The following FHIT variants were observed in gnomAD, a reference collection of about 807,000 sequenced individuals.
FHIT encodes fragile histidine triad diadenosine triphosphatase, also known as bis(5'-adenosyl)-triphosphatase.
A neutral mutation model predicts 17.9 loss-of-function variants in FHIT; 19 were observed. That is an observed-to-expected ratio of 1.06 (90% confidence interval 0.74 to 1.56). FHIT has a LOEUF of 1.56. Among genes scored for constraint, FHIT ranks in the 40% most tolerant of loss-of-function variants. FHIT has a pLI of 0.00. For missense variants in FHIT, 248 were observed against 189.2 expected, an observed-to-expected ratio of 1.31 and a Z score of -1.82; for synonymous variants, 81 against 69.7, an observed-to-expected ratio of 1.16 and a Z score of -0.81.
chr3:60,872,670 T>C (rs553161852), intron 3 of FHIT, among the ~76,000 whole-genome samples: 2 of 152,200 alleles, frequency 1.3e-5, no homozygotes, highest in South Asian at 4.1e-4. Flanking sequence ...CTTTTGAAAA[T>C]AAAGAATAAT....
chr3:60,872,828 C>T (rs1260634757), intron 3 of FHIT, among the ~76,000 whole-genome samples: 2 of 151,844 alleles, frequency 1.3e-5, no homozygotes, highest in African/African-American at 4.8e-5. Context: ...TTCAGGAAAC[C>T]CTGAATTATA....
chr3:60,971,199 C>T (rs1011500159), intron 3 of FHIT, among the ~76,000 whole-genome samples: 16 of 152,122 alleles, frequency 1.1e-4, no homozygotes, highest in African/African-American at 3.9e-4. Flanking sequence ...AAAACCCTAT[C>T]TCTACTAAAA....
intron 3 of FHIT, 95 bp downstream of exon 3, chr3:61,041,948 ATATT>A (rs1178753576): frequency 6.6e-6 from 1 of 152,208 alleles, no homozygotes; most frequent in African/African-American, 2.4e-5. Flanking sequence ...CTCCTTCTAA[ATATT>A]TATTATTTTT....
intron 5 of FHIT, among the ~76,000 whole-genome samples, chr3:60,130,002 TACAC>T (rs1227233633): frequency 1.4e-4 from 21 of 152,258 alleles, no homozygotes; most frequent in African/African-American, 4.8e-4. Context: ...CTCACCTACA[TACAC>T]ACACCACACA....
intron 8 of FHIT, among the ~76,000 whole-genome samples, chr3:59,912,786 T>C (rs1704945255): frequency 6.6e-6 from 1 of 152,208 alleles, no homozygotes; most frequent in Admixed American, 6.5e-5. Context: ...TTCCAGCAGG[T>C]ACTGGTGCAA....
intron 8 of FHIT, among the ~76,000 whole-genome samples, chr3:59,771,822 G>C (rs939414294): frequency 6.6e-6 from 1 of 152,104 alleles, no homozygotes. Flanking sequence ...ATCATTTTTA[G>C]GCATGTCAGC....
intron 5 of FHIT, among the ~76,000 whole-genome samples, chr3:60,126,148 T>A (rs562577849): frequency 8.5e-5 from 13 of 152,178 alleles, no homozygotes; most frequent in African/African-American, 9.6e-5. Flanking sequence ...ATCACAGAGA[T>A]CTCCTGTTTC....
chr3:60,199,937 A>G (rs1339436000), intron 5 of FHIT, among the ~76,000 whole-genome samples: 1 of 152,152 alleles, frequency 6.6e-6, no homozygotes, highest in Non-Finnish European at 1.5e-5. Flanking sequence ...GCCTTAACTG[A>G]GATGACAGAC....
At chr3:59,955,195 C>T (rs1415863673) in intron 7 of FHIT, among the ~76,000 whole-genome samples, 2 of 152,218 alleles carry the variant, frequency 1.3e-5, no homozygotes, top group Non-Finnish European at 2.9e-5. Flanking sequence ...GTGACCTTCA[C>T]TTTGCCAAAC....
At position 61,041,560 on chromosome 3, in the gene FHIT, C is replaced by A. The variant is rs550794779; in HGVS notation, c.-111+487G>T. Among the ~76,000 whole-genome samples the A allele has an allele frequency of 2.8e-4, 43 of 152,072 alleles. No individual in the cohort carries two copies. The South Asian group carries it at 3.3e-3, about 12-fold the overall frequency. On this transcript the variant is annotated intron_variant, in intron 3 of 9. Coordinates refer to ENST00000492590, the MANE Select transcript of FHIT (RefSeq NM_002012.4). ...AGCCCTTCTTTTTACTGATATAATTCCTACTTTTTCAGAAATCTGACAAAC... is the reference window on the plus strand; with the variant it reads ...AGCCCTTCTTTTTACTGATATAATTACTACTTTTTCAGAAATCTGACAAAC...
intron 5 of FHIT, among the ~76,000 whole-genome samples, chr3:60,495,466 G>GT (rs1245956335): frequency 4.0e-5 from 6 of 151,712 alleles, no homozygotes; most frequent in African/African-American, 1.5e-4. Flanking sequence ...ACAAATATGA[G>GT]TTTTTACTCC....
chr3:60,100,365 C>T (rs1035729342), intron 5 of FHIT, among the ~76,000 whole-genome samples: 4 of 151,896 alleles, frequency 2.6e-5, no homozygotes, highest in African/African-American at 7.3e-5. Flanking sequence ...TCCTGGGCAA[C>T]AGAGCAAGAC....
At chr3:60,367,328 C>G (rs1427991355) in intron 5 of FHIT, among the ~76,000 whole-genome samples, 1 of 152,194 alleles carries the variant, frequency 6.6e-6, no homozygotes, top group South Asian at 2.1e-4. Flanking sequence ...ATAGCTAACA[C>G]TCCTCAAAGT....
chr3:60,394,396 A>C (rs970334210), intron 5 of FHIT, among the ~76,000 whole-genome samples: 4 of 152,198 alleles, frequency 2.6e-5, no homozygotes, highest in African/African-American at 9.6e-5. Context: ...TTAAATCAAA[A>C]AACAGTACCT....
chr3:60,548,639 A>G (rs1487561581), intron 4 of FHIT, among the ~76,000 whole-genome samples: 4 of 152,158 alleles, frequency 2.6e-5, no homozygotes, highest in Non-Finnish European at 5.9e-5. Flanking sequence ...TGGTCCTCTA[A>G]GTAGCAACAA....
chr3:60,002,682 G>T (rs1699775421), intron 7 of FHIT, among the ~76,000 whole-genome samples: 1 of 152,024 alleles, frequency 6.6e-6, no homozygotes, highest in African/African-American at 2.4e-5. Context: ...TCATTAAGCT[G>T]GTTTCCATCT....
In FHIT at chr3:61,024,818, T is replaced by TTAG. The variant is rs561264043; in HGVS notation, c.-111+17226_-111+17228dup. On this transcript the variant is annotated intron_variant, in intron 3 of 9. Transcript: ENST00000492590. ...TAAAATATGCTAAACATTGCTTCTG[T>TTAG]TAGTAACCACTAGTTTCTCAGGAAA... 4.5e-3 allele frequency among the ~76,000 whole-genome samples: 684 copies of TTAG among 152,296 alleles called. 4 individuals are homozygous for TTAG. Among genetic ancestry groups the TTAG allele is most frequent in the African/African-American group, 0.016 (669 of 41,580 alleles).
intron 5 of FHIT, among the ~76,000 whole-genome samples, chr3:60,355,745 C>T (rs1427608017): frequency 2.0e-5 from 3 of 151,468 alleles, no homozygotes; most frequent in African/African-American, 4.9e-5. Context: ...TTTATCTTGA[C>T]AAATAGATGA....
chr3:60,448,390 C>T (rs2031489731), intron 5 of FHIT, among the ~76,000 whole-genome samples: 2 of 152,158 alleles, frequency 1.3e-5, no homozygotes. Flanking sequence ...GCTATGTGTG[C>T]AGTATCAAGT....
Sources: gnomAD v4.1 joint callset for allele counts (sites outside exome capture counted in the v4.1 genomes callset) on GRCh38, gnomAD v4.1.1 for gene constraint, MANE v1.5 for transcripts, NCBI Gene and HGNC (gene_info 2026-07-23, HGNC 2026-07-21) for gene names.